SUMF1: variants seen among roughly 807,000 people sequenced by gnomAD.
SUMF1 encodes formylglycine-generating enzyme.
Under a neutral mutation model 47.6 loss-of-function variants are expected in SUMF1, and 48 were observed. The ratio of observed to expected loss-of-function variants is 1.01; its 90% CI spans 0.80 to 1.28. The LOEUF (loss-of-function observed/expected upper bound fraction) is 1.28, where lower values mean the gene tolerates loss of function less well. Ranked by LOEUF, SUMF1 falls within the 50% of genes most tolerant of loss-of-function variation. SUMF1 has a pLI of 0.00. For synonymous variants in SUMF1, 230 were observed against 192.1 expected (o/e 1.20, Z -1.63); for missense variants, 571 against 485.4 (o/e 1.18, Z -1.66).
intron 8 of SUMF1, among the ~76,000 whole-genome samples, chr3:4,227,345 G>GTATTAACCAAA (rs1465181811): frequency 1.6e-4 from 24 of 151,390 alleles, no homozygotes; most frequent in Admixed American, 1.5e-3. Flanking sequence ...CACACAGTAG[G>GTATTAACCAAA]TGTTAACCAA....
chr3:4,313,907 T>G (rs1390841859), intron 8 of SUMF1: 11 of 1,384,418 alleles, frequency 7.9e-6, no homozygotes, highest in Non-Finnish European at 1.1e-5. Context: ...TTCCCCTTTC[T>G]GTAATAGAAT....
At chr3:4,308,393 A>C (rs1161987613) in intron 8 of SUMF1, among the ~76,000 whole-genome samples, 1 of 150,412 alleles carries the variant, frequency 6.6e-6, no homozygotes, top group East Asian at 2.0e-4. Flanking sequence ...AAACCTATGA[A>C]ATAAATAAGA....
intron 8 of SUMF1, among the ~76,000 whole-genome samples, chr3:4,145,020 A>T (rs1163641996): frequency 6.6e-6 from 1 of 152,004 alleles, no homozygotes; most frequent in East Asian, 1.9e-4. Context: ...TAACACGGTG[A>T]AACCCCATCT....
At chr3:4,240,480 CTATTT>C (rs1696511870) in intron 8 of SUMF1, among the ~76,000 whole-genome samples, 1 of 149,828 alleles carries the variant, frequency 6.7e-6, no homozygotes, top group South Asian at 2.1e-4. Flanking sequence ...ACCTTTGGTA[CTATTT>C]TATTTTGTTT....
At chr3:4,296,658 G>A (rs1697858701) in intron 8 of SUMF1, among the ~76,000 whole-genome samples, 1 of 152,078 alleles carries the variant, frequency 6.6e-6, no homozygotes, top group African/African-American at 2.4e-5. Flanking sequence ...CTCCCACTGG[G>A]TCCCTCCCAC....
chr3:4,098,752 T>C (rs1010657880), intron 8 of SUMF1, among the ~76,000 whole-genome samples: 2 of 152,164 alleles, frequency 1.3e-5, no homozygotes, highest in Admixed American at 6.5e-5. Flanking sequence ...ATTCTGCAGA[T>C]AATCATCCTT....
At chr3:4,385,498 G>A (rs910573049) in intron 7 of SUMF1, among the ~76,000 whole-genome samples, 1 of 152,012 alleles carries the variant, frequency 6.6e-6, no homozygotes, top group Admixed American at 6.6e-5. Flanking sequence ...GCTGAGTGTT[G>A]AGTTTTTTAT....
At chr3:4,299,816 T>C (rs1697927011) in intron 8 of SUMF1, among the ~76,000 whole-genome samples, 1 of 151,774 alleles carries the variant, frequency 6.6e-6, no homozygotes, top group Non-Finnish European at 1.5e-5. Context: ...CCTCAAAAAA[T>C]AAAAAATAAA....
chr3:4,158,614 C>T (rs892592261), intron 8 of SUMF1, among the ~76,000 whole-genome samples: 1 of 151,428 alleles, frequency 6.6e-6, no homozygotes, highest in South Asian at 2.1e-4. Flanking sequence ...TTCCTTTATT[C>T]ACTCAGACTC....
intron 7 of SUMF1, among the ~76,000 whole-genome samples, chr3:4,407,009 C>T (rs147340805): frequency 2.6e-5 from 4 of 152,174 alleles, no homozygotes; most frequent in African/African-American, 9.6e-5. Context: ...ACAGCACTGG[C>T]CATTTACTAG....
At chr3:4,079,408 A>C (rs117492831) in intron 8 of SUMF1, among the ~76,000 whole-genome samples, 3 of 151,924 alleles carry the variant, frequency 2.0e-5, no homozygotes, top group African/African-American at 4.8e-5. Context: ...TACCATTTGG[A>C]GTTTACTGAA....
At chr3:4,405,255 C>T (rs145240350) in intron 7 of SUMF1, among the ~76,000 whole-genome samples, 211 of 152,312 alleles carry the variant, frequency 1.4e-3, no homozygotes, top group African/African-American at 4.9e-3. Context: ...GGCCAGAGAA[C>T]TGGTATGTGC....
At chr3:4,408,827 T>TG (rs60456154) in intron 7 of SUMF1, among the ~76,000 whole-genome samples, 1 of 151,736 alleles carries the variant, frequency 6.6e-6, no homozygotes, top group Non-Finnish European at 1.5e-5. Flanking sequence ...AAAAATTAGC[T>TG]GGGGGGCACC....
At chr3:4,081,476 C>T (rs1368298497) in intron 8 of SUMF1, among the ~76,000 whole-genome samples, 1 of 152,122 alleles carries the variant, frequency 6.6e-6, no homozygotes, top group Non-Finnish European at 1.5e-5. Context: ...ACATTATACA[C>T]CTAACTTCTT....
intron 8 of SUMF1, among the ~76,000 whole-genome samples, chr3:4,354,074 T>C (rs1431091110): frequency 6.6e-6 from 1 of 152,052 alleles, no homozygotes; most frequent in Non-Finnish European, 1.5e-5. Context: ...AGGCTGATCA[T>C]GAACTCCTGG....
chr3:4,416,467 CCA>C (rs1358431502), intron 6 of SUMF1, among the ~76,000 whole-genome samples: 1 of 152,138 alleles, frequency 6.6e-6, no homozygotes, highest in Non-Finnish European at 1.5e-5. Context: ...AATACTGTAT[CCA>C]GTCTTACCTA....
At chr3:4,115,547 C>A (rs1206035594) in intron 8 of SUMF1, among the ~76,000 whole-genome samples, 1 of 143,984 alleles carries the variant, frequency 6.9e-6, no homozygotes, top group Non-Finnish European at 1.5e-5. Flanking sequence ...GGTCAGAGCC[C>A]AAAAACGCTC....
At chr3:4,365,090 A>G (rs1377675438) in intron 8 of SUMF1, among the ~76,000 whole-genome samples, 1 of 149,800 alleles carries the variant, frequency 6.7e-6, no homozygotes, top group Non-Finnish European at 1.5e-5. Flanking sequence ...ACAGTTTGTT[A>G]TAATTTCTGT....
rs1219553173 is a variant in SUMF1 at position 4,258,826 on chromosome 3, C to T, written c.1014+117504G>A. On this transcript the variant is annotated intron_variant and NMD_transcript_variant, in intron 8 of 12. Transcript: ENST00000448413. ...GACACATGCACACATATGTTTATTG[C>T]GGCATTATTCACAATAGCAAAGACT... 1.6e-4 allele frequency among the ~76,000 whole-genome samples: 22 copies of T among 136,220 alleles called. 1 individual carries two copies. Among genetic ancestry groups the T allele is most frequent in the Admixed American group, 1.4e-3 (19 of 13,614 alleles). The allele number at this position is 136,220 out of a possible 152,430, so 89.4% of individuals were successfully genotyped here.
Sources: allele counts gnomAD v4.1 joint callset (sites outside exome capture counted in the v4.1 genomes callset), GRCh38; gene constraint gnomAD v4.1.1; transcripts MANE v1.5; gene names NCBI Gene and HGNC (gene_info 2026-07-23, HGNC 2026-07-21).